Variants in MTFR1 observed in about 807,000 individuals in gnomAD.
MTFR1 encodes mitochondrial fission regulator 1.
In MTFR1, 28 loss-of-function variants were observed where a neutral mutation model predicts 38.8. The observed-to-expected ratio is 0.72, with a 90% CI of 0.53 to 0.99. MTFR1 has a LOEUF of 0.99. MTFR1 is among the 50% of genes least tolerant of loss of function. The pLI is 0.00. For synonymous variants in MTFR1, 145 were observed against 137.0 expected (o/e 1.06, Z -0.41); for missense variants, 358 against 395.5 (o/e 0.91, Z 0.81).
At chr8:65,770,790 A>C (rs1314705879) in intron 3 of MTFR1, among the ~76,000 whole-genome samples, 1 of 152,262 alleles carries the variant, frequency 6.6e-6, no homozygotes, top group African/African-American at 2.4e-5. Flanking sequence ...AAAGCCTGTA[A>C]CAATTTGAAC....
At chr8:65,729,364 CTTTTTTTT>C (rs10540107) in intron 3 of MTFR1, among the ~76,000 whole-genome samples, 14 of 80,080 alleles carry the variant, frequency 1.7e-4, no homozygotes, top group East Asian at 1.5e-3. Context: ...TTGGTGGTAG[CTTTTTTTT>C]TTTTTTTTTT....
rs192123515 is a variant in MTFR1, at chr8:65,730,161, T to C, written c.*48+10680T>C. 2.6e-3 allele frequency among the ~76,000 whole-genome samples: 358 copies of C among 135,734 alleles called. 5 individuals carry two copies. The South Asian group carries it at 0.032, about 12-fold the overall frequency. The allele number at this position is 135,734 out of a possible 152,430, so 89.0% of individuals were successfully genotyped here. On this transcript the variant is annotated intron_variant, in intron 3 of 3. Coordinates refer to the MTFR1 transcript ENST00000521247. ...AAACTGTGCATGTGAGGGATCCAGGTTGCGCACTTCTTTTTTTTTTTTTTT... is the reference window on the plus strand; with the variant it reads ...AAACTGTGCATGTGAGGGATCCAGGCTGCGCACTTCTTTTTTTTTTTTTTT...
At chr8:65,679,529 A>C (rs997716717) in intron 2 of MTFR1, 7 of 152,258 alleles carry the variant, frequency 4.6e-5, no homozygotes, top group African/African-American at 1.7e-4. Flanking sequence ...AGGCTGAAGC[A>C]GGAGAATCAC....
chr8:65,758,760 C>T lies in MTFR1; in HGVS notation c.*49-12187C>T, dbSNP rs375894899. Reference sequence around the variant, plus strand: ...CAACTGTTGGCCACCGAAATCCATGCAGTACCTTCTGTTCTAGTTCTTTAA... The same window carrying T: ...CAACTGTTGGCCACCGAAATCCATGTAGTACCTTCTGTTCTAGTTCTTTAA... On this transcript the variant is annotated intron_variant, in intron 3 of 3. Transcript: ENST00000521247. 1.2e-4 allele frequency among the ~76,000 whole-genome samples: 19 copies of T among 152,318 alleles called. No individual in the cohort carries two copies. In the South Asian group the frequency reaches 3.9e-3, roughly 32 times the overall value.
At chr8:65,761,487 A>G (rs1482547114) in intron 3 of MTFR1, among the ~76,000 whole-genome samples, 1 of 152,188 alleles carries the variant, frequency 6.6e-6, no homozygotes, top group East Asian at 1.9e-4. Context: ...TGGACTATTT[A>G]TTTTAAGTCC....
At chr8:65,662,387 C>G (rs1446456044) in intron 1 of MTFR1, among the ~76,000 whole-genome samples, 1 of 151,678 alleles carries the variant, frequency 6.6e-6, no homozygotes, top group Non-Finnish European at 1.5e-5. Context: ...GACGGAGTCG[C>G]GTTCACTCAG....
chr8:65,733,039 T>C (rs1806965355), intron 3 of MTFR1, among the ~76,000 whole-genome samples: 1 of 152,160 alleles, frequency 6.6e-6, no homozygotes, highest in African/African-American at 2.4e-5. Flanking sequence ...ATGTTCACTA[T>C]GATAAGGGAG....
At chr8:65,737,339 A>G (rs1807183473) in intron 3 of MTFR1, among the ~76,000 whole-genome samples, 2 of 152,114 alleles carry the variant, frequency 1.3e-5, no homozygotes, top group Admixed American at 1.3e-4. Context: ...AACAATGTGC[A>G]AAGTGGGGAT....
intron 3 of MTFR1, among the ~76,000 whole-genome samples, chr8:65,685,088 A>C (rs1251184829): frequency 2.6e-5 from 4 of 152,246 alleles, no homozygotes; most frequent in Admixed American, 2.6e-4. Context: ...TTCTTTGTTT[A>C]TCAGAAATAT....
chr8:65,687,998 A>G (rs4737751), intron 3 of MTFR1, among the ~76,000 whole-genome samples: 140,265 of 151,494 alleles, frequency 0.93, 65,049 homozygotes, highest in African/African-American at 0.98. Context: ...TACTCGGGAG[A>G]CTGAGGCAGG....
Position 65,693,676 on chromosome 8 carries a change from C to G in MTFR1, c.198C>G (p.Ser66Arg), listed in dbSNP as rs371457193. Residue 66 changes from serine (S) to arginine (R), a missense_variant, in exon 4 of 8, where the codon AGC becomes AGG. Ser to Arg is a moderately radical substitution (Grantham distance 110, BLOSUM62 -1). Transcript: ENST00000262146. ...INSHATEWSP[S>R]HPGEDAVASF... ...GCCATGCAACAGAATGGAGTCCCAG[C>G]CACCCAGGAGAGGATGCAGTGGCGT... is the stretch of plus-strand genomic sequence containing the variant. 513 of 1,613,962 alleles carry G rather than the reference C, an allele frequency of 3.2e-4. No individual in the cohort carries two copies. Among genetic ancestry groups the G allele is most frequent in the Non-Finnish European group, 4.2e-4 (501 of 1,179,998 alleles).
chr8:65,732,015 T>C (rs1806913299), intron 3 of MTFR1, among the ~76,000 whole-genome samples: 2 of 152,172 alleles, frequency 1.3e-5, no homozygotes, highest in South Asian at 4.2e-4. Context: ...TTGTTGTTAT[T>C]TTAGACTGAG....
intron 3 of MTFR1, chr8:65,727,037 T>C (rs1286165895): frequency 1.0e-6 from 1 of 990,186 alleles, no homozygotes; most frequent in African/African-American, 1.6e-5. Context: ...CTAACAATAC[T>C]GTTAGCAATA....
rs145263569 is a variant in MTFR1 at position 65,684,083 on chromosome 8, G to A, written c.165+1632G>A. Among the ~76,000 whole-genome samples the A allele has an allele frequency of 1.3e-4, 20 of 152,296 alleles. No individual in the cohort carries two copies. In the East Asian group the frequency reaches 2.7e-3, roughly 21 times the overall value. On this transcript the variant is annotated intron_variant, in intron 3 of 7. Coordinates refer to ENST00000262146, the MANE Select transcript of MTFR1 (RefSeq NM_014637.4). ...CGTTTGCATTCATATAGCTAGAGACGTAGAGATATCTAACGTTTTCTGATT... is the reference window on the plus strand; with the variant it reads ...CGTTTGCATTCATATAGCTAGAGACATAGAGATATCTAACGTTTTCTGATT...
chr8:65,699,037 T>A (rs1267497414), intron 4 of MTFR1, among the ~76,000 whole-genome samples: 1 of 152,158 alleles, frequency 6.6e-6, no homozygotes, highest in East Asian at 1.9e-4. Flanking sequence ...CGTTCCCTTC[T>A]TTTTGTCCAT....
intron 3 of MTFR1, chr8:65,724,893 G>A: frequency 6.2e-7 from 1 of 1,608,928 alleles, no homozygotes; most frequent in Non-Finnish European, 8.5e-7. Flanking sequence ...GCTAGTATCA[G>A]AGCACCTATC....
At chr8:65,711,755 T>G (rs76958368), downstream of MTFR1, among the ~76,000 whole-genome samples, 2,561 of 152,322 alleles carry the variant, frequency 0.017, 77 homozygotes, top group African/African-American at 0.058. Context: ...TGCACACTTC[T>G]TCCTTCCAAG....
At chr8:65,696,580 G>A (rs1407683177) in intron 4 of MTFR1, among the ~76,000 whole-genome samples, 1 of 152,020 alleles carries the variant, frequency 6.6e-6, no homozygotes, top group Non-Finnish European at 1.5e-5. Flanking sequence ...CTTCTTAATG[G>A]CTAGCAACTA....
rs117436067 is a variant in MTFR1, at chr8:65,700,335, A to G, written c.282-4359A>G. ...CACTGCATTCCAACCTCAGCAATGG[A>G]TCGAGACCTATCTTAAAAAAAAAAA... On this transcript the variant is annotated intron_variant, in intron 4 of 7. Transcript: ENST00000262146. 7.7e-4 allele frequency among the ~76,000 whole-genome samples: 114 copies of G among 147,504 alleles called. 1 individual carries two copies. In the East Asian group the frequency reaches 0.022, roughly 29 times the overall value.
Sources: allele counts gnomAD v4.1 joint callset (sites outside exome capture counted in the v4.1 genomes callset), GRCh38; gene constraint gnomAD v4.1.1; transcripts MANE v1.5; gene names NCBI Gene and HGNC (gene_info 2026-07-23, HGNC 2026-07-21).